The following FXYD6 variants were observed in gnomAD, a reference collection of about 807,000 sequenced individuals.
FXYD6 encodes the protein FXYD domain-containing ion transport regulator 6.
In FXYD6, 7 loss-of-function variants were observed where a neutral mutation model predicts 16.7. That is an observed-to-expected ratio of 0.42 (90% CI 0.24 to 0.79). FXYD6 has a LOEUF of 0.79. Ranked by LOEUF, FXYD6 falls within the 30% of genes least tolerant of loss-of-function variation. FXYD6 has a pLI of 0.28. For synonymous variants in FXYD6, 49 were observed against 43.0 expected (o/e 1.14, Z -0.54); for missense variants, 111 against 116.2 (o/e 0.95, Z 0.21).
chr11:117,874,240 TC>T (rs1156887947), intron 1 of FXYD6, among the ~76,000 whole-genome samples: 1 of 152,142 alleles, frequency 6.6e-6, no homozygotes, highest in Non-Finnish European at 1.5e-5. Context: ...TTAAAACAGT[TC>T]TTTGAATGAT....
At chr11:117,838,953 TA>T (rs1159005747) in intron 7 of FXYD6, 1 of 153,190 alleles carries the variant, frequency 6.5e-6, no homozygotes, top group Non-Finnish European at 1.5e-5. Flanking sequence ...TATAATGCCT[TA>T]CTTGTATGGG....
chr11:117,864,189 T>C (rs1191437478), intron 1 of FXYD6, among the ~76,000 whole-genome samples: 1 of 152,212 alleles, frequency 6.6e-6, no homozygotes, highest in African/African-American at 2.4e-5. Context: ...CTTCCTGATT[T>C]CAAATTCTAC....
At chr11:117,865,156 C>T (rs1328420602) in intron 1 of FXYD6, among the ~76,000 whole-genome samples, 1 of 152,132 alleles carries the variant, frequency 6.6e-6, no homozygotes, top group African/African-American at 2.4e-5. Flanking sequence ...ATCAAAACTA[C>T]AATGCGTACC....
At chr11:117,859,717 T>C (rs1046752623) in intron 1 of FXYD6, among the ~76,000 whole-genome samples, 5 of 152,092 alleles carry the variant, frequency 3.3e-5, no homozygotes, top group African/African-American at 1.2e-4. Flanking sequence ...CACAAATAAA[T>C]CAAACTGTCC....
chr11:117,840,253 C>A (rs776136773), intron 6 of FXYD6, 66 bp downstream of exon 6: 9 of 1,609,292 alleles, frequency 5.6e-6, no homozygotes, highest in Non-Finnish European at 6.8e-6. Flanking sequence ...ACAGTCCCTT[C>A]CTGAGCCACA....
intron 1 of FXYD6, among the ~76,000 whole-genome samples, chr11:117,850,156 T>G (rs1215026281): frequency 2.6e-5 from 4 of 152,226 alleles, no homozygotes; most frequent in African/African-American, 9.7e-5. Flanking sequence ...TCCCTAAGCC[T>G]TATCTTTGGG....
chr11:117,873,600 G>A (rs773252693), intron 1 of FXYD6, among the ~76,000 whole-genome samples: 2 of 152,206 alleles, frequency 1.3e-5, no homozygotes, highest in Non-Finnish European at 2.9e-5. Context: ...TTTCTTGACT[G>A]GTTTGCTTCC....
chr11:117,858,077 G>A (rs1273481501), intron 1 of FXYD6: 1 of 152,164 alleles, frequency 6.6e-6, no homozygotes, highest in African/African-American at 2.4e-5. Flanking sequence ...CTCAGTACTG[G>A]AGAGGCTGGA....
intron 1 of FXYD6, among the ~76,000 whole-genome samples, chr11:117,846,431 T>C (rs2056471180): frequency 6.6e-6 from 1 of 152,248 alleles, no homozygotes; most frequent in South Asian, 2.1e-4. Context: ...AATGCTGTGA[T>C]TTTTGTGTCT....
In FXYD6 at chr11:117,838,291, T is replaced by G. The variant is rs767339056; in HGVS notation, c.*22-14A>C. On this transcript the variant is annotated splice_polypyrimidine_tract_variant and intron_variant, in intron 7 of 7. Coordinates refer to ENST00000526014, the MANE Select transcript of FXYD6 (RefSeq NM_022003.4). The stretch of plus-strand genomic sequence containing the variant: ...AGGTTCCAGAGGCTGAGGAGGAGGA[T>G]AATTTAAATTAAAAACACTTCGGCT... 3 of 702,538 alleles carry G rather than the reference T, an allele frequency of 4.3e-6. No individual in the cohort carries two copies. Among genetic ancestry groups the G allele is most frequent in the Admixed American group, 2.0e-5 (1 of 50,020 alleles). The allele number at this position is 702,538 out of a possible 1,614,324, so 43.5% of individuals were successfully genotyped here. A position where few individuals can be genotyped will look rare whatever the true frequency, so the allele number is the denominator to read the frequency against.
intron 1 of FXYD6, among the ~76,000 whole-genome samples, chr11:117,869,446 T>A (rs999508388): frequency 6.6e-6 from 1 of 152,150 alleles, no homozygotes; most frequent in Non-Finnish European, 1.5e-5. Context: ...CCCTCATTCA[T>A]GGAAGAGGGG....
At chr11:117,849,420 G>T (rs913912252) in intron 1 of FXYD6, among the ~76,000 whole-genome samples, 2 of 152,194 alleles carry the variant, frequency 1.3e-5, no homozygotes, top group Non-Finnish European at 2.9e-5. Flanking sequence ...CTAGTACATG[G>T]TCAGTTATTA....
rs2057159216 is a variant in FXYD6 at position 117,872,436 on chromosome 11, A to G, written c.-6+4156T>C. ...TGATCTACCTGAGCAGGAGGGCTCC[A>G]GCAAAGGAGAAACCTCAGAAGCCCA... On this transcript the variant is annotated intron_variant, in intron 1 of 7. Coordinates refer to ENST00000526014, the MANE Select transcript of FXYD6 (RefSeq NM_022003.4). This position sits in a 1 kb window ranked among gnomAD's most constrained non-coding sequence, Gnocchi z 4.9. Among the ~76,000 whole-genome samples, 4 of 152,324 alleles carry G rather than the reference A, an allele frequency of 2.6e-5. No homozygotes were observed. Among genetic ancestry groups the G allele is most frequent in the African/African-American group, 9.6e-5 (4 of 41,570 alleles).
In FXYD6 at chr11:117,841,817, A is replaced by G. The variant is rs1018279962; in HGVS notation, c.146T>C (p.Phe49Ser). 6.2e-7 allele frequency: 1 copy of G among 1,613,830 alleles called. No individual in the cohort carries two copies. Among genetic ancestry groups the G allele is most frequent in the African/African-American group, 1.3e-5 (1 of 74,870 alleles). Reference protein sequence around the residue: ...IGGLVFAVVLFSVGILLILSR... With the variant: ...IGGLVFAVVLSSVGILLILSR... ...TAGGATAAGGAGGATCCCAACCGAG[A>G]AGAGGACCACAGCGAACACCAGTCC... Residue 49 changes from phenylalanine to serine, a missense_variant, in exon 4 of 8, where the codon TTC becomes TCC. By Grantham distance (155) the Phe-to-Ser change is radical (BLOSUM62 -2). Coordinates refer to ENST00000526014, the MANE Select transcript of FXYD6 (RefSeq NM_022003.4).
chr11:117,866,318 T>TA (rs913852372), intron 1 of FXYD6, among the ~76,000 whole-genome samples: 63 of 150,942 alleles, frequency 4.2e-4, no homozygotes, highest in East Asian at 2.1e-3. Context: ...TTTACCATAC[T>TA]AAAAAAAAAC....
At chr11:117,871,150 T>C (rs2057126443) in intron 1 of FXYD6, among the ~76,000 whole-genome samples, 1 of 152,184 alleles carries the variant, frequency 6.6e-6, no homozygotes, top group Non-Finnish European at 1.5e-5. Flanking sequence ...ACTTCAGCTT[T>C]TAAGCATCTC....
chr11:117,855,805 G>A (rs1591571835), intron 1 of FXYD6, among the ~76,000 whole-genome samples: 2 of 152,276 alleles, frequency 1.3e-5, no homozygotes, highest in Non-Finnish European at 2.9e-5. Flanking sequence ...GACCTGGCTC[G>A]CCAGCACAGG....
intron 5 of FXYD6, 37 bp downstream of exon 5, chr11:117,841,111 T>G: frequency 6.2e-7 from 1 of 1,613,726 alleles, no homozygotes; most frequent in Non-Finnish European, 8.5e-7. Context: ...TCCCACCTAG[T>G]ATCACCCCCC....
chr11:117,875,539 G>C (rs1591602638), intron 1 of FXYD6, among the ~76,000 whole-genome samples: 1 of 152,128 alleles, frequency 6.6e-6, no homozygotes, highest in Non-Finnish European at 1.5e-5. Context: ...AGTTGCGGAC[G>C]TAGACATACA....
Sources: allele counts gnomAD v4.1 joint callset (sites outside exome capture counted in the v4.1 genomes callset), GRCh38; gene constraint gnomAD v4.1.1; non-coding constraint Gnocchi (gnomAD v3.1); transcripts MANE v1.5; gene names NCBI Gene and HGNC (gene_info 2026-07-23, HGNC 2026-07-21).